The following PTPRD variants were observed in gnomAD, a reference collection of about 807,000 sequenced individuals.
PTPRD encodes the protein receptor-type tyrosine-protein phosphatase delta.
Under a neutral mutation model 214.5 loss-of-function variants are expected in PTPRD, and 34 were observed. The ratio of observed to expected loss-of-function variants is 0.16; its 90% CI spans 0.12 to 0.21. The LOEUF (loss-of-function observed/expected upper bound fraction) is 0.21, where lower values mean the gene tolerates loss of function less well. Ranked by LOEUF, PTPRD falls within the 10% of genes least tolerant of loss-of-function variation. PTPRD has a pLI of 1.00. For synonymous variants in PTPRD, 1,128 were observed against 845.7 expected (o/e 1.33, Z -5.79); for missense variants, 2,545 against 2,398.7 (o/e 1.06, Z -1.27).
intron 44 of PTPRD, among the ~76,000 whole-genome samples, chr9:8,321,481 GTGTGTGTATATATATATATATATATATA>G (rs1300286262): frequency 3.1e-4 from 15 of 49,180 alleles, no homozygotes; most frequent in African/African-American, 2.2e-3. Context: ...GTGTGTGTGT[GTGTGTGTATATATATATATATATATATA>G]TATATATATA....
intron 9 of PTPRD, among the ~76,000 whole-genome samples, chr9:9,210,469 A>T (rs1407928063): frequency 6.6e-6 from 1 of 152,134 alleles, no homozygotes; most frequent in Non-Finnish European, 1.5e-5. Flanking sequence ...TTTAATGCCT[A>T]CTCCTTTGTT....
intron 10 of PTPRD, among the ~76,000 whole-genome samples, chr9:9,168,970 T>C (rs962302171): frequency 7.9e-5 from 12 of 152,012 alleles, no homozygotes; most frequent in South Asian, 6.2e-4. Context: ...TTTGGATATA[T>C]ACTTTTTATT....
intron 11 of PTPRD, among the ~76,000 whole-genome samples, chr9:8,759,029 T>G (rs2094221267): frequency 6.7e-6 from 1 of 148,380 alleles, no homozygotes; most frequent in South Asian, 2.1e-4. Context: ...TCTTTGGTTT[T>G]GGGTTTTTTT....
chr9:8,521,612 T>A lies in PTPRD; in HGVS notation c.692-66A>T, dbSNP rs370389184. On this transcript the variant is annotated intron_variant, in intron 19 of 45. Coordinates refer to ENST00000381196, the MANE Select transcript of PTPRD (RefSeq NM_002839.4). ...AAGAAAAAGTGGATTATTAAACACA[T>A]GACATGCACCGTACAGACACGATTC... 22 of 1,537,180 alleles carry A rather than the reference T, an allele frequency of 1.4e-5. No homozygotes were observed. The South Asian group carries it at 1.6e-4, about 11-fold the overall frequency.
At chr9:8,624,763 A>C (rs2095957960) in intron 14 of PTPRD, among the ~76,000 whole-genome samples, 1 of 151,858 alleles carries the variant, frequency 6.6e-6, no homozygotes, top group Non-Finnish European at 1.5e-5. Flanking sequence ...GTTGATACAA[A>C]TTCATGCTTA....
chr9:9,227,269 T>A (rs1178470045), intron 9 of PTPRD, among the ~76,000 whole-genome samples: 2 of 152,224 alleles, frequency 1.3e-5, no homozygotes, highest in Non-Finnish European at 2.9e-5. Flanking sequence ...ACAACCCTTC[T>A]AAGATCCTAG....
chr9:10,103,401 A>ATATATATATATATATATATATG (rs1321996717), intron 3 of PTPRD, among the ~76,000 whole-genome samples: 1 of 144,766 alleles, frequency 6.9e-6, no homozygotes. Context: ...ATATTTATTT[A>ATATATATATATATATATATATG]AGAGCATTGC....
chr9:9,392,858 A>G (rs2066369334), intron 9 of PTPRD, among the ~76,000 whole-genome samples: 1 of 152,140 alleles, frequency 6.6e-6, no homozygotes. Flanking sequence ...TAATGAAACT[A>G]TATTACAGTA....
intron 3 of PTPRD, among the ~76,000 whole-genome samples, chr9:10,191,601 A>C (rs538468624): frequency 1.3e-5 from 2 of 152,234 alleles, no homozygotes; most frequent in East Asian, 3.9e-4. Context: ...AAGTTTTTAG[A>C]TATCCCTATA....
At chr9:9,527,029 A>G (rs1172094375) in intron 8 of PTPRD, among the ~76,000 whole-genome samples, 1 of 152,214 alleles carries the variant, frequency 6.6e-6, no homozygotes, top group Non-Finnish European at 1.5e-5. Context: ...CAAGTAAAAT[A>G]TAATATTTAA....
At chr9:9,850,662 C>A (rs72692706) in intron 5 of PTPRD, among the ~76,000 whole-genome samples, 1 of 152,042 alleles carries the variant, frequency 6.6e-6, no homozygotes, top group Non-Finnish European at 1.5e-5. Context: ...TATTGTATCA[C>A]ATATTTGTTT....
intron 21 of PTPRD, among the ~76,000 whole-genome samples, chr9:8,515,614 G>C (rs1211659320): frequency 1.3e-5 from 2 of 152,084 alleles, no homozygotes; most frequent in African/African-American, 2.4e-5. Context: ...GCATGCTTTT[G>C]GGAAGAACAT....
rs144177075 is a variant in PTPRD at position 9,151,956 on chromosome 9, C to G, written c.-143+31348G>C. Among the ~76,000 whole-genome samples, 9 of 152,290 alleles carry G rather than the reference C, an allele frequency of 5.9e-5. No individual in the cohort carries two copies. The East Asian group carries it at 1.7e-3, about 29-fold the overall frequency. On this transcript the variant is annotated intron_variant, in intron 10 of 45. Transcript: ENST00000381196. Reference sequence around the variant, plus strand: ...CCTGTGAGAGTAACTTTTTCAATCACTTAGGGACTGAATTTGATTTGGAGT... The same window carrying G: ...CCTGTGAGAGTAACTTTTTCAATCAGTTAGGGACTGAATTTGATTTGGAGT...
chr9:8,587,148 T>TA (rs1261345954), intron 14 of PTPRD, among the ~76,000 whole-genome samples: 3 of 152,214 alleles, frequency 2.0e-5, no homozygotes, highest in African/African-American at 7.2e-5. Flanking sequence ...AGACTCCATC[T>TA]AAAAAAACAA....
intron 14 of PTPRD, among the ~76,000 whole-genome samples, chr9:8,594,859 C>CTTTTTTTTTTTTTT (rs1564594757): frequency 7.1e-6 from 1 of 141,536 alleles, no homozygotes; most frequent in African/African-American, 2.6e-5. Context: ...ATGTTTAACC[C>CTTTTTTTTTTTTTT]CTTTTTTTTT....
intron 11 of PTPRD, among the ~76,000 whole-genome samples, chr9:8,796,931 T>G (rs539163015): frequency 3.9e-5 from 6 of 151,994 alleles, no homozygotes; most frequent in Non-Finnish European, 8.8e-5. Flanking sequence ...CATGTTAAAA[T>G]TTTTGTTTTT....
intron 10 of PTPRD, among the ~76,000 whole-genome samples, chr9:9,116,597 T>C (rs932748384): frequency 2.0e-5 from 3 of 152,154 alleles, no homozygotes; most frequent in African/African-American, 7.2e-5. Flanking sequence ...CAAAACCATT[T>C]GTATCCCTAA....
intron 3 of PTPRD, among the ~76,000 whole-genome samples, chr9:10,339,153 A>G (rs1047385314): frequency 6.6e-6 from 1 of 151,754 alleles, no homozygotes; most frequent in Non-Finnish European, 1.5e-5. Flanking sequence ...TGAAGATTAA[A>G]AAGGAATCCT....
chr9:9,327,235 A>G lies in PTPRD; in HGVS notation c.-203+70214T>C, dbSNP rs1364848486. On this transcript the variant is annotated intron_variant, in intron 9 of 45. Coordinates refer to ENST00000381196, the MANE Select transcript of PTPRD (RefSeq NM_002839.4). ...GAAATCCCATATGTAAACAACAAGA[A>G]TGTAAATTAAATCTGCCTCTAGCAG... Among the ~76,000 whole-genome samples, 7 of 152,326 alleles carry G rather than the reference A, an allele frequency of 4.6e-5. No individual in the cohort carries two copies. The East Asian group carries it at 7.7e-4, about 17-fold the overall frequency.
Sources: allele counts gnomAD v4.1 joint callset (sites outside exome capture counted in the v4.1 genomes callset), GRCh38; gene constraint gnomAD v4.1.1; transcripts MANE v1.5; gene names NCBI Gene and HGNC (gene_info 2026-07-23, HGNC 2026-07-21).